TTBK2: variants seen among roughly 807,000 people sequenced by gnomAD.
TTBK2 encodes tau tubulin kinase 2, also known as tau-tubulin kinase 2.
TTBK2 carries 28 observed loss-of-function variants against 110.8 expected under a neutral mutation model. That is an observed-to-expected ratio of 0.25 (90% CI 0.19 to 0.35). The LOEUF is 0.35. Ranked by LOEUF, TTBK2 falls within the 10% of genes least tolerant of loss-of-function variation. The pLI, the probability that TTBK2 is intolerant of heterozygous loss-of-function variation, is 1.00. For missense variants in TTBK2, 1,369 were observed against 1,500.3 expected (o/e 0.91, Z 1.45); for synonymous variants, 532 against 527.3 (o/e 1.01, Z -0.12).
intron 1 of TTBK2, among the ~76,000 whole-genome samples, chr15:42,905,079 C>A (rs913073609): frequency 6.6e-5 from 10 of 151,844 alleles, no homozygotes; most frequent in African/African-American, 2.2e-4. Context: ...GCCATGTTGG[C>A]CAGGCTGGTC....
At chr15:42,749,009 A>G (rs550519379) in intron 14 of TTBK2, among the ~76,000 whole-genome samples, 1 of 152,340 alleles carries the variant, frequency 6.6e-6, no homozygotes, top group African/African-American at 2.4e-5. Context: ...TCATAATGGC[A>G]TTATGGGACA....
intron 4 of TTBK2, among the ~76,000 whole-genome samples, chr15:42,832,777 ATGT>A (rs1409160074): frequency 6.6e-6 from 1 of 152,138 alleles, no homozygotes; most frequent in Non-Finnish European, 1.5e-5. Context: ...GCGTATCCAC[ATGT>A]TGTTACCTGC....
At chr15:42,763,358 C>T (rs1234605364) in intron 13 of TTBK2, among the ~76,000 whole-genome samples, 1 of 148,844 alleles carries the variant, frequency 6.7e-6, no homozygotes, top group South Asian at 2.1e-4. Flanking sequence ...GGATTACAAG[C>T]ATGCCCCATC....
At chr15:42,867,347 AGAG>A (rs1174214219) in intron 3 of TTBK2, among the ~76,000 whole-genome samples, 5 of 152,222 alleles carry the variant, frequency 3.3e-5, no homozygotes, top group Non-Finnish European at 7.4e-5. Flanking sequence ...TTAAAGCAGA[AGAG>A]AAGAAATAAT....
chr15:42,832,411 A>C lies in TTBK2; in HGVS notation c.292-2333T>G, dbSNP rs78567335. 1.5e-4 allele frequency among the ~76,000 whole-genome samples: 23 copies of C among 152,366 alleles called. No individual in the cohort carries two copies. In the East Asian group the frequency reaches 4.0e-3, roughly 27 times the overall value. On this transcript the variant is annotated intron_variant, in intron 4 of 14. Transcript: ENST00000267890. ...ACATATCAACTCACAAAATCTGAGAAGGTAAACACAAAACTGATAAGAGTA... is the reference window on the plus strand; with the variant it reads ...ACATATCAACTCACAAAATCTGAGACGGTAAACACAAAACTGATAAGAGTA...
intron 9 of TTBK2, among the ~76,000 whole-genome samples, chr15:42,798,815 G>A (rs1891054031): frequency 6.6e-6 from 1 of 152,194 alleles, no homozygotes; most frequent in African/African-American, 2.4e-5. Flanking sequence ...GTAAATGGAT[G>A]TAGGGAAGAG....
At chr15:42,746,562 T>C (rs1028013343) in intron 14 of TTBK2, among the ~76,000 whole-genome samples, 1 of 152,198 alleles carries the variant, frequency 6.6e-6, no homozygotes. Context: ...CTTCCTCCTA[T>C]GCCATGTTTA....
intron 3 of TTBK2, among the ~76,000 whole-genome samples, chr15:42,841,811 T>C (rs1893233344): frequency 1.3e-5 from 2 of 152,230 alleles, no homozygotes; most frequent in South Asian, 4.1e-4. Flanking sequence ...AAATGAAAAG[T>C]TGTATCAAAA....
chr15:42,786,241 T>C (rs1890409742), intron 10 of TTBK2, among the ~76,000 whole-genome samples: 1 of 152,158 alleles, frequency 6.6e-6, no homozygotes, highest in Admixed American at 6.5e-5. Context: ...TTCAAATCAA[T>C]AGTTCAGATT....
intron 3 of TTBK2, chr15:42,855,329 T>G (rs923533200): frequency 4.6e-5 from 7 of 152,206 alleles, no homozygotes; most frequent in African/African-American, 1.7e-4. Context: ...ATTAGTACCC[T>G]AGTGGTCATA....
chr15:42,754,377 G>A (rs747136790), intron 13 of TTBK2, among the ~76,000 whole-genome samples: 3 of 151,714 alleles, frequency 2.0e-5, no homozygotes, highest in Non-Finnish European at 2.9e-5. Flanking sequence ...CACCATACCT[G>A]GCCAATTTTT....
chr15:42,871,598 T>C (rs1307718525), intron 3 of TTBK2: 2 of 985,124 alleles, frequency 2.0e-6, no homozygotes, highest in Non-Finnish European at 2.4e-6. Flanking sequence ...TGGCTGTACC[T>C]GTTTGTAGCC....
rs115790423 is a variant in TTBK2, at chr15:42,801,446, C to A, written c.823-6645G>T. 1.0e-3 allele frequency: 858 copies of A among 857,594 alleles called. 5 individuals are homozygous for A. In the African/African-American group the frequency reaches 0.013, roughly 13 times the overall value. 53.1% of individuals were successfully genotyped at this position (857,594 alleles called of 1,614,324 possible). On this transcript the variant is annotated intron_variant, in intron 9 of 14. Transcript: ENST00000267890. Reference sequence around the variant, plus strand: ...CAGGGAAGCCCTCTGGCCTTTGAGACCCTCAGTCTCAGCTTGGAGCCAGCT... The same window carrying A: ...CAGGGAAGCCCTCTGGCCTTTGAGAACCTCAGTCTCAGCTTGGAGCCAGCT...
intron 11 of TTBK2, among the ~76,000 whole-genome samples, chr15:42,777,842 GAGGGAAGTCT>G (rs1889999813): frequency 6.6e-6 from 1 of 152,144 alleles, no homozygotes; most frequent in Non-Finnish European, 1.5e-5. Flanking sequence ...TGTGGTGACA[GAGGGAAGTCT>G]GGGACATCTA....
Position 42,920,665 on chromosome 15 carries a change from A to G in TTBK2, c.-295T>C. On this transcript the variant is annotated 5_prime_UTR_variant, in exon 1 of 15. Transcript: ENST00000267890. ...GGCGGCGGCGGCTGCTGCTGCTGTT[A>G]CTGCTGCTGCCGGCTCCCCCAAGCC... 1 of 155,314 alleles carries G rather than the reference A, an allele frequency of 6.4e-6. No individual in the cohort carries two copies. Among genetic ancestry groups the G allele is most frequent in the Non-Finnish European group, 1.4e-5 (1 of 71,016 alleles). 9.6% of individuals were successfully genotyped at this position (155,314 alleles called of 1,614,324 possible). A position where few individuals can be genotyped will look rare whatever the true frequency, so the allele number is the denominator to read the frequency against.
chr15:42,842,882 T>C (rs998071635), intron 3 of TTBK2, among the ~76,000 whole-genome samples: 16 of 152,290 alleles, frequency 1.1e-4, no homozygotes, highest in African/African-American at 3.6e-4. Flanking sequence ...TACATGTTGA[T>C]CACTTAACAT....
chr15:42,828,119 A>G, intron 5 of TTBK2, 87 bp from the exon 6 acceptor site: 1 of 1,037,272 alleles, frequency 9.6e-7, no homozygotes, highest in Non-Finnish European at 1.5e-6. Flanking sequence ...GTCTTCTTCT[A>G]TTTAAGCTCT....
intron 1 of TTBK2, among the ~76,000 whole-genome samples, chr15:42,911,565 T>C (rs2030755499): frequency 1.3e-5 from 2 of 152,208 alleles, no homozygotes; most frequent in Non-Finnish European, 2.9e-5. Context: ...ACTTATACAC[T>C]GGACTTGCCC....
At chr15:42,754,023 C>A (rs902029256) in intron 13 of TTBK2, among the ~76,000 whole-genome samples, 1 of 151,664 alleles carries the variant, frequency 6.6e-6, no homozygotes, top group African/African-American at 2.4e-5. Flanking sequence ...AGGATTATAT[C>A]TTCCTACAAG....
Sources: gnomAD v4.1 joint callset for allele counts (sites outside exome capture counted in the v4.1 genomes callset) on GRCh38, gnomAD v4.1.1 for gene constraint, MANE v1.5 for transcripts, NCBI Gene and HGNC (gene_info 2026-07-23, HGNC 2026-07-21) for gene names.